ESYT2: variants seen among roughly 807,000 people sequenced by gnomAD.
The protein encoded by ESYT2 is extended synaptotagmin 2.
Under a neutral mutation model 107.2 loss-of-function variants are expected in ESYT2, and 54 were observed. The observed-to-expected ratio is 0.50, with a 90% CI of 0.40 to 0.63. The LOEUF is 0.63. ESYT2 is among the 30% of genes least tolerant of loss of function. The pLI is 0.00. For missense variants in ESYT2, 1,020 were observed against 1,094.5 expected, an observed-to-expected ratio of 0.93 and a Z score of 0.96; for synonymous variants, 491 against 434.1, an observed-to-expected ratio of 1.13 and a Z score of -1.63.
Position 158,797,961 on chromosome 7 carries a change from T to G in ESYT2, c.488A>C (p.Lys163Thr). Residue 163 changes from lysine to threonine, a missense_variant, in exon 3 of 23, where the codon AAG (lysine) becomes ACG (threonine). By Grantham distance (78) the Lys-to-Thr change is moderately conservative (BLOSUM62 -1). Transcript: ENST00000275418. ...ACTGACCTGCTGGCCCACGTCGACC[T>G]TCGTGAAACTAAAGGTGCTAAGGTG... ...NTHLSTFSFT[K>T]VDVGQQPLRI... is the part of the protein sequence containing the mutation. 10 of 1,614,040 alleles carry G rather than the reference T, an allele frequency of 6.2e-6. No individual in the cohort carries two copies. Among genetic ancestry groups the G allele is most frequent in the Non-Finnish European group, 8.5e-6 (10 of 1,179,908 alleles).
intron 13 of ESYT2, among the ~76,000 whole-genome samples, chr7:158,754,680 A>G (rs1837693763): frequency 6.6e-6 from 1 of 152,192 alleles, no homozygotes; most frequent in African/African-American, 2.4e-5. Flanking sequence ...ATGAATCTAT[A>G]AACTTAATAA....
Position 158,759,593 on chromosome 7 carries a change from G to T in ESYT2, c.1324-12C>A. ...ATGTCTGTTAGCACCTAAAAGGAAA[G>T]GAAAAAGCCCTTAGCAGCCATGTTT... On this transcript the variant is annotated splice_polypyrimidine_tract_variant and intron_variant, in intron 12 of 22. Transcript: ENST00000275418. The T allele has an allele frequency of 6.3e-7, 1 of 1,599,104 alleles. No homozygotes were observed. Among genetic ancestry groups the T allele is most frequent in the Non-Finnish European group, 8.6e-7 (1 of 1,169,192 alleles).
At chr7:158,798,949 A>T in intron 2 of ESYT2, 82 bp downstream of exon 2, 3 of 1,421,610 alleles carry the variant, frequency 2.1e-6, no homozygotes, top group Non-Finnish European at 2.9e-6. Context: ...TATTACCAAC[A>T]TGCAAATCCC....
intron 13 of ESYT2, among the ~76,000 whole-genome samples, chr7:158,753,901 C>T (rs1314098009): frequency 6.6e-6 from 1 of 152,188 alleles, no homozygotes; most frequent in Non-Finnish European, 1.5e-5. Flanking sequence ...GGATATCCTA[C>T]AAACCCTTCC....
intron 13 of ESYT2, among the ~76,000 whole-genome samples, chr7:158,754,727 G>C (rs1381030586): frequency 6.6e-6 from 1 of 152,098 alleles, no homozygotes; most frequent in Non-Finnish European, 1.5e-5. Flanking sequence ...GGGTCGAGGG[G>C]ACAAGAGGCG....
chr7:158,755,701 G>T (rs369760657), intron 13 of ESYT2, among the ~76,000 whole-genome samples: 125 of 152,304 alleles, frequency 8.2e-4, no homozygotes, highest in Non-Finnish European at 1.5e-3. Flanking sequence ...TGAGTAGACA[G>T]CCAGAGAGAC....
At position 158,764,659 on chromosome 7, in the gene ESYT2, G is replaced by A; in HGVS notation, c.1101+18C>T. 6.2e-7 allele frequency: 1 copy of A among 1,611,364 alleles called. No individual in the cohort carries two copies. The highest frequency in any genetic ancestry group is 8.5e-7 in the Non-Finnish European group (1 of 1,178,368). On this transcript the variant is annotated intron_variant, in intron 9 of 22. Coordinates refer to ENST00000275418, the MANE Select transcript of ESYT2 (RefSeq NM_001367773.1). Reference sequence around the variant, plus strand: ...CTCAGCCCACCACCCCAGCAACACAGCAGACACGACACCCCACCTCATAGA... The same window carrying A: ...CTCAGCCCACCACCCCAGCAACACAACAGACACGACACCCCACCTCATAGA...
rs764855673 is a variant in ESYT2 at position 158,767,777 on chromosome 7, G to A, written c.804-3C>T. 5.2e-5 allele frequency: 83 copies of A among 1,607,752 alleles called. No individual in the cohort carries two copies. The highest frequency in any genetic ancestry group is 6.6e-5 in the Non-Finnish European group (78 of 1,176,452). Reference sequence around the variant, plus strand: ...AAATGATAGTATCTGATAAACCACTGTTAGTTGGGAGACAAAAAGAGCAAA... The same window carrying A: ...AAATGATAGTATCTGATAAACCACTATTAGTTGGGAGACAAAAAGAGCAAA... On this transcript the variant is annotated splice_polypyrimidine_tract_variant and splice_region_variant and intron_variant, in intron 7 of 22. Transcript: ENST00000275418.
At chr7:158,817,550 G>A (rs2709869) in intron 1 of ESYT2, among the ~76,000 whole-genome samples, 1 of 152,142 alleles carries the variant, frequency 6.6e-6, no homozygotes, top group Admixed American at 6.5e-5. Context: ...CTGCTTCCAG[G>A]TGTCCCACCT....
In ESYT2 at chr7:158,753,912, T is replaced by G. The variant is rs910599824; in HGVS notation, c.1420-1069A>C. Among the ~76,000 whole-genome samples the G allele has an allele frequency of 2.0e-5, 3 of 152,316 alleles. 1 individual carries two copies. Among genetic ancestry groups the G allele is most frequent in the African/African-American group, 7.2e-5 (3 of 41,588 alleles). ...CTTCGGATATCCTACAAACCCTTCC[T>G]GAAGCTCACTTTTGGATAGATATGG... On this transcript the variant is annotated intron_variant, in intron 13 of 22. Transcript: ENST00000275418.
chr7:158,741,904 T>C lies in ESYT2; in HGVS notation c.1795-8A>G. Reference sequence around the variant, plus strand: ...CTTTTCGAGATGGAGCACCTAGAGGTGGACATAAACATAAAAATTAAACTT... The same window carrying C: ...CTTTTCGAGATGGAGCACCTAGAGGCGGACATAAACATAAAAATTAAACTT... On this transcript the variant is annotated splice_region_variant and splice_polypyrimidine_tract_variant and intron_variant, in intron 17 of 22. Coordinates refer to ENST00000275418, the MANE Select transcript of ESYT2 (RefSeq NM_001367773.1). 1 of 1,572,644 alleles carries C rather than the reference T, an allele frequency of 6.4e-7. No homozygotes were observed. The highest frequency in any genetic ancestry group is 8.6e-7 in the Non-Finnish European group (1 of 1,161,386).
In ESYT2 at chr7:158,734,231, C is replaced by A; in HGVS notation, c.2577G>T (p.Gly859=). The A allele has an allele frequency of 1.2e-6, 2 of 1,614,086 alleles. No homozygotes were observed. Among genetic ancestry groups the A allele is most frequent in the Non-Finnish European group, 1.7e-6 (2 of 1,180,032 alleles). ...WTQWYDLTED[G]TRPQAMT ...GCTATGTCATCGCCTGAGGCCTCGT[C>A]CCATCTTCCGTGAGGTCATACCTGA... Residue 859 remains glycine, a synonymous_variant, in exon 23 of 23, where the codon GGG becomes GGT. Coordinates refer to ENST00000275418, the MANE Select transcript of ESYT2 (RefSeq NM_001367773.1).
At chr7:158,773,277 A>G in intron 7 of ESYT2, 64 bp downstream of exon 7, 1 of 1,571,788 alleles carries the variant, frequency 6.4e-7, no homozygotes, top group Non-Finnish European at 8.8e-7. Context: ...ACTATTGTCA[A>G]GACATCCAAA....
intron 7 of ESYT2, among the ~76,000 whole-genome samples, chr7:158,768,075 C>T (rs189790192): frequency 3.1e-4 from 47 of 152,316 alleles, no homozygotes; most frequent in African/African-American, 1.1e-3. Context: ...TTGCACCAAC[C>T]TAATACACTT....
At chr7:158,773,502 C>A (rs1838446419) in intron 6 of ESYT2, 106 bp from the exon 7 acceptor site, 1 of 970,036 alleles carries the variant, frequency 1.0e-6, no homozygotes, top group African/African-American at 1.6e-5. Context: ...TAGTACACAA[C>A]ACAGACCCAC....
At chr7:158,798,861 A>T (rs1839551020) in intron 2 of ESYT2, among the ~76,000 whole-genome samples, 170 bp downstream of exon 2, 2 of 152,152 alleles carry the variant, frequency 1.3e-5, no homozygotes, top group African/African-American at 4.8e-5. Context: ...ACTCTCTGGA[A>T]AGAAAAGAAA....
At chr7:158,811,030 C>G (rs1368452567) in intron 1 of ESYT2, among the ~76,000 whole-genome samples, 3 of 129,992 alleles carry the variant, frequency 2.3e-5, no homozygotes, top group African/African-American at 9.1e-5. Context: ...CGCAGTGGCT[C>G]AAGCCTGTAA....
At chr7:158,735,067 T>C (rs1180193358) in intron 21 of ESYT2, among the ~76,000 whole-genome samples, 1 of 152,230 alleles carries the variant, frequency 6.6e-6, no homozygotes, top group African/African-American at 2.4e-5. Context: ...GTGCCCTCCA[T>C]GGCAGCACAG....
At chr7:158,758,975 A>C (rs1034241435) in intron 13 of ESYT2, among the ~76,000 whole-genome samples, 2 of 152,212 alleles carry the variant, frequency 1.3e-5, no homozygotes, top group African/African-American at 4.8e-5. Flanking sequence ...ATTCCGAGAC[A>C]TGGCTTCCTT....
Sources: gnomAD v4.1 joint callset for allele counts (sites outside exome capture counted in the v4.1 genomes callset) on GRCh38, gnomAD v4.1.1 for gene constraint, MANE v1.5 for transcripts, NCBI Gene and HGNC (gene_info 2026-07-23, HGNC 2026-07-21) for gene names.